The following NXPE4 variants were observed in gnomAD, a reference collection of about 807,000 sequenced individuals.
The protein encoded by NXPE4 is neurexophilin and PC-esterase domain family member 4.
NXPE4 carries 42 observed loss-of-function variants against 33.3 expected under a neutral mutation model. The observed-to-expected ratio is 1.26, with a 90% CI of 0.98 to 1.63. The LOEUF (loss-of-function observed/expected upper bound fraction) is 1.63. Among genes scored for constraint, NXPE4 ranks in the 40% most tolerant of loss-of-function variants. The probability of loss-of-function intolerance (pLI) is 0.00; values close to 1 mark genes in which losing one functional copy is unlikely to be tolerated. For missense variants in NXPE4, 709 were observed against 647.6 expected (o/e 1.09, Z -1.03); for synonymous variants, 253 against 234.9 (o/e 1.08, Z -0.71).
chr11:114,672,636 A>G, the NXPE4 span, among the ~76,000 whole-genome samples: 1 of 151,912 alleles, frequency 6.6e-6, no homozygotes, highest in Admixed American at 6.6e-5. Context: ...GAAAAAAGGT[A>G]TCATTCAAAC....
chr11:114,586,897 G>T (rs1352332738), intron 2 of NXPE4, among the ~76,000 whole-genome samples: 2 of 152,096 alleles, frequency 1.3e-5, no homozygotes, highest in Non-Finnish European at 2.9e-5. Flanking sequence ...ATAATGCCTG[G>T]GAATATAGCT....
At chr11:114,637,414 T>A in the NXPE4 span, among the ~76,000 whole-genome samples, 15 of 152,034 alleles carry the variant, frequency 9.9e-5, no homozygotes, top group East Asian at 1.7e-3. Flanking sequence ...TGACTCTTTA[T>A]CCAATTTGCC....
the NXPE4 span, among the ~76,000 whole-genome samples, chr11:114,652,261 T>C: frequency 6.6e-6 from 1 of 152,178 alleles, no homozygotes; most frequent in African/African-American, 2.4e-5. Flanking sequence ...TTTATGGACA[T>C]TGAGCATCTG....
chr11:114,661,436 G>A, the NXPE4 span, among the ~76,000 whole-genome samples: 1 of 152,088 alleles, frequency 6.6e-6, no homozygotes, highest in East Asian at 1.9e-4. Context: ...CAGAATCCTA[G>A]GATCCATGGT....
At chr11:114,637,844 G>T in the NXPE4 span, among the ~76,000 whole-genome samples, 3 of 151,998 alleles carry the variant, frequency 2.0e-5, no homozygotes, top group African/African-American at 7.3e-5. Flanking sequence ...CTGTTAGTCT[G>T]ATGGGCTTCC....
At chr11:114,665,532 T>A in the NXPE4 span, among the ~76,000 whole-genome samples, 1 of 152,178 alleles carries the variant, frequency 6.6e-6, no homozygotes, top group African/African-American at 2.4e-5. Context: ...TGCAAAGAGT[T>A]ATGTACCTTT....
At chr11:114,643,868 C>G in the NXPE4 span, among the ~76,000 whole-genome samples, 7 of 152,056 alleles carry the variant, frequency 4.6e-5, no homozygotes, top group Admixed American at 1.3e-4. Flanking sequence ...TGGCCACTTT[C>G]ATGATATTAA....
chr11:114,641,486 A>T, the NXPE4 span, among the ~76,000 whole-genome samples: 1 of 152,054 alleles, frequency 6.6e-6, no homozygotes, highest in Non-Finnish European at 1.5e-5. Flanking sequence ...TTTATATCAA[A>T]CATTAGGGAA....
the NXPE4 span, among the ~76,000 whole-genome samples, chr11:114,610,660 G>T: frequency 4.6e-5 from 7 of 151,688 alleles, no homozygotes; most frequent in Admixed American, 4.6e-4. Flanking sequence ...GTTAACCGGT[G>T]GATAATACAT....
intron 3 of NXPE4, among the ~76,000 whole-genome samples, chr11:114,582,073 ATAT>A (rs1388705331): frequency 6.6e-6 from 1 of 152,154 alleles, no homozygotes; most frequent in African/African-American, 2.4e-5. Context: ...TATTCTGTAT[ATAT>A]TTTTTTCCCA....
At chr11:114,670,722 A>AAAC in the NXPE4 span, among the ~76,000 whole-genome samples, 1 of 151,908 alleles carries the variant, frequency 6.6e-6, no homozygotes, top group African/African-American at 2.4e-5. Flanking sequence ...TAAAACAAGC[A>AAAC]AACAACAACA....
At chr11:114,617,770 A>G in the NXPE4 span, among the ~76,000 whole-genome samples, 1 of 152,118 alleles carries the variant, frequency 6.6e-6, no homozygotes, top group South Asian at 2.1e-4. Flanking sequence ...TGTGGATAAT[A>G]AGTGTTGCCT....
At chr11:114,579,484 A>T (rs995469132) in intron 5 of NXPE4, among the ~76,000 whole-genome samples, 4 of 152,196 alleles carry the variant, frequency 2.6e-5, no homozygotes, top group African/African-American at 9.7e-5. Flanking sequence ...CATAGCCTAG[A>T]TCTGTTAGAC....
Position 114,583,602 on chromosome 11 carries a change from C to T in NXPE4, c.97-581G>A, listed in dbSNP as rs1823436812. ...TTCTGTCAGTTGTCTACTGGTGGCTCTGTGGCAAGTGCTGTGAAACTTAAT... is the reference window on the plus strand; with the variant it reads ...TTCTGTCAGTTGTCTACTGGTGGCTTTGTGGCAAGTGCTGTGAAACTTAAT... On this transcript the variant is annotated intron_variant, in intron 2 of 5. Transcript: ENST00000375478. 5 of 595,202 alleles carry T rather than the reference C, an allele frequency of 8.4e-6. No homozygotes were observed. In the Admixed American group the frequency reaches 9.3e-5, roughly 11 times the overall value. The allele number at this position is 595,202 out of a possible 1,614,324, so 36.9% of individuals were successfully genotyped here.
chr11:114,633,678 T>C, the NXPE4 span, among the ~76,000 whole-genome samples: 2 of 147,772 alleles, frequency 1.4e-5, no homozygotes, highest in East Asian at 4.3e-4. Context: ...TGTGTTCTCA[T>C]TGTTCAATTC....
At chr11:114,626,871 T>G in the NXPE4 span, among the ~76,000 whole-genome samples, 1 of 151,952 alleles carries the variant, frequency 6.6e-6, no homozygotes, top group Non-Finnish European at 1.5e-5. Context: ...ACGTGAAGAA[T>G]GCAGAAGCCT....
the NXPE4 span, among the ~76,000 whole-genome samples, chr11:114,639,008 G>A: frequency 6.6e-6 from 1 of 151,990 alleles, no homozygotes; most frequent in Non-Finnish European, 1.5e-5. Flanking sequence ...TGTCAGACTG[G>A]GACATTTAAG....
the NXPE4 span, among the ~76,000 whole-genome samples, chr11:114,676,899 T>C: frequency 0.023 from 3,495 of 152,112 alleles, 58 homozygotes; most frequent in Non-Finnish European, 0.037. Flanking sequence ...TTGTGTCATA[T>C]ATACACATAA....
the NXPE4 span, among the ~76,000 whole-genome samples, chr11:114,631,484 G>A: frequency 1.4e-5 from 2 of 140,968 alleles, no homozygotes; most frequent in African/African-American, 2.7e-5. Flanking sequence ...GAGAACACAT[G>A]GACACAGGAA....
Sources: allele counts gnomAD v4.1 joint callset (sites outside exome capture counted in the v4.1 genomes callset), GRCh38; gene constraint gnomAD v4.1.1; transcripts MANE v1.5; gene names NCBI Gene and HGNC (gene_info 2026-07-23, HGNC 2026-07-21).